Variants in PRKCH observed in about 807,000 individuals in gnomAD.
PRKCH encodes protein kinase C eta type.
In PRKCH, 28 loss-of-function variants were observed where a neutral mutation model predicts 82.5. The ratio of observed to expected loss-of-function variants is 0.34; its 90% CI spans 0.25 to 0.47. PRKCH has a LOEUF of 0.47. Ranked by LOEUF, PRKCH falls within the 20% of genes least tolerant of loss-of-function variation. The pLI is 1.00. For missense variants in PRKCH, 705 were observed against 881.8 expected (o/e 0.80, Z 2.54); for synonymous variants, 322 against 327.4 (o/e 0.98, Z 0.18).
At chr14:61,407,761 A>G (rs937872580) in intron 2 of PRKCH, among the ~76,000 whole-genome samples, 1 of 152,206 alleles carries the variant, frequency 6.6e-6, no homozygotes. Flanking sequence ...TTTGTCTGAT[A>G]TGCAGAATAT....
At chr14:61,512,249 CTTTTTTT>C (rs11342820) in intron 10 of PRKCH, among the ~76,000 whole-genome samples, 3 of 118,526 alleles carry the variant, frequency 2.5e-5, no homozygotes, top group Admixed American at 8.5e-5. Flanking sequence ...TCACATGACC[CTTTTTTT>C]TTTTTTTTTT....
chr14:61,514,842 C>T (rs1028725059), intron 10 of PRKCH, among the ~76,000 whole-genome samples: 3 of 152,148 alleles, frequency 2.0e-5, no homozygotes, highest in African/African-American at 7.2e-5. Context: ...ATATAACAGC[C>T]CAGACGGGAT....
upstream of PRKCH, among the ~76,000 whole-genome samples, chr14:61,317,785 AGGGCTCT>A (rs1158140347): frequency 6.6e-6 from 1 of 152,050 alleles, no homozygotes; most frequent in Admixed American, 6.5e-5. Flanking sequence ...GAGTTGCTGG[AGGGCTCT>A]GTCCTGGGTC....
At chr14:61,485,214 A>G (rs942634086) in intron 9 of PRKCH, among the ~76,000 whole-genome samples, 3 of 152,106 alleles carry the variant, frequency 2.0e-5, no homozygotes, top group Non-Finnish European at 2.9e-5. Context: ...TAAGGTACAG[A>G]GCTGGAACTC....
In PRKCH at chr14:61,395,270, TTAAG is replaced by T. The variant is rs767214211; in HGVS notation, c.427+3987_427+3990del. Among the ~76,000 whole-genome samples the T allele has an allele frequency of 8.8e-5, 12 of 135,808 alleles. No homozygotes were observed. The Middle Eastern group carries it at 0.016, about 175-fold the overall frequency. The allele number at this position is 135,808 out of a possible 152,430, so 89.1% of individuals were successfully genotyped here. A position where few individuals can be genotyped will look rare whatever the true frequency, so the allele number is the denominator to read the frequency against. The stretch of plus-strand genomic sequence containing the variant: ...AGGACGTGATGGCTGCCTGTCTGTG[TTAAG>T]TAAGAAGGAAATGGAGCCCCCCCCC... On this transcript the variant is annotated intron_variant, in intron 2 of 13. Transcript: ENST00000332981.
At chr14:61,250,259 A>AAATAAATT in intron 1 of PRKCH, among the ~76,000 whole-genome samples, 1 of 151,302 alleles carries the variant, frequency 6.6e-6, no homozygotes, top group South Asian at 2.1e-4. Context: ...ATAAATAAAT[A>AAATAAATT]AATAAATAAA....
At chr14:61,229,135 C>T (rs2044720294) in intron 1 of PRKCH, among the ~76,000 whole-genome samples, 1 of 151,812 alleles carries the variant, frequency 6.6e-6, no homozygotes, top group African/African-American at 2.4e-5. Flanking sequence ...ATAATAACTC[C>T]CCAAATGGAA....
chr14:61,507,253 G>A (rs962026639), intron 10 of PRKCH, among the ~76,000 whole-genome samples: 4 of 152,256 alleles, frequency 2.6e-5, no homozygotes, highest in African/African-American at 4.8e-5. Flanking sequence ...CACCTCATAC[G>A]TGTTAGGATG....
chr14:61,344,967 A>G (rs1220941891), intron 1 of PRKCH, among the ~76,000 whole-genome samples: 2 of 152,058 alleles, frequency 1.3e-5, no homozygotes, highest in African/African-American at 4.8e-5. Flanking sequence ...TCCAGTTTCT[A>G]CTTTGGGAGA....
chr14:61,476,612 G>T (rs1043478086), intron 9 of PRKCH: 1 of 152,306 alleles, frequency 6.6e-6, no homozygotes, highest in Admixed American at 6.5e-5. Context: ...GCCTTGTCAG[G>T]TTTCATTATG....
chr14:61,382,204 G>T (rs1383050585), intron 1 of PRKCH, among the ~76,000 whole-genome samples: 3 of 152,190 alleles, frequency 2.0e-5, no homozygotes, highest in African/African-American at 7.2e-5. Flanking sequence ...GCTGAGGCAG[G>T]TGGATCACTG....
chr14:61,272,276 G>A (rs1463747875), intron 1 of PRKCH, among the ~76,000 whole-genome samples: 2 of 149,194 alleles, frequency 1.3e-5, no homozygotes, highest in Admixed American at 1.3e-4. Context: ...CACTTAGTGT[G>A]ATGTCTGGTA....
intron 2 of PRKCH, among the ~76,000 whole-genome samples, chr14:61,393,667 A>G (rs1221901398): frequency 2.0e-5 from 3 of 152,204 alleles, no homozygotes; most frequent in African/African-American, 7.2e-5. Flanking sequence ...TGAAGAGTTT[A>G]CATATGTGGA....
intron 12 of PRKCH, among the ~76,000 whole-genome samples, chr14:61,535,085 A>G (rs1292953865): frequency 3.3e-5 from 5 of 152,170 alleles, no homozygotes; most frequent in Non-Finnish European, 7.3e-5. Flanking sequence ...GAGCTTTTAA[A>G]TCTTGACCAA....
chr14:61,534,288 A>C (rs2140013612), intron 12 of PRKCH, among the ~76,000 whole-genome samples: 1 of 152,366 alleles, frequency 6.6e-6, no homozygotes, highest in Non-Finnish European at 1.5e-5. Flanking sequence ...CATTACGTAC[A>C]ATAGCCCGAA....
At chr14:61,387,341 G>T (rs1033856668) in intron 1 of PRKCH, among the ~76,000 whole-genome samples, 1 of 152,196 alleles carries the variant, frequency 6.6e-6, no homozygotes, top group Admixed American at 6.5e-5. Context: ...CTGGAGTTAG[G>T]GGCAGAATCC....
chr14:61,404,548 C>T (rs1274190797), intron 2 of PRKCH, among the ~76,000 whole-genome samples: 1 of 129,858 alleles, frequency 7.7e-6, no homozygotes, highest in Non-Finnish European at 1.5e-5. Flanking sequence ...TATGCATGTA[C>T]TTAGTAATGA....
chr14:61,373,334 A>G (rs969563205), intron 1 of PRKCH, among the ~76,000 whole-genome samples: 1 of 151,756 alleles, frequency 6.6e-6, no homozygotes, highest in East Asian at 1.9e-4. Context: ...AGCAGGGTAG[A>G]AAGAGAAAGG....
At chr14:61,514,389 G>A (rs1355621035) in intron 10 of PRKCH, among the ~76,000 whole-genome samples, 1 of 151,760 alleles carries the variant, frequency 6.6e-6, no homozygotes, top group Non-Finnish European at 1.5e-5. Context: ...TCACCAAGCA[G>A]GGCAAATTGT....
Sources: allele counts gnomAD v4.1 joint callset (sites outside exome capture counted in the v4.1 genomes callset), GRCh38; gene constraint gnomAD v4.1.1; transcripts MANE v1.5; gene names NCBI Gene and HGNC (gene_info 2026-07-23, HGNC 2026-07-21).